The following ARHGEF10L variants were observed in gnomAD, a reference collection of about 807,000 sequenced individuals.
ARHGEF10L encodes the protein Rho guanine nucleotide exchange factor 10 like.
A neutral mutation model predicts 141.2 loss-of-function variants in ARHGEF10L; 69 were observed. The ratio of observed to expected loss-of-function variants is 0.49; its 90% CI spans 0.40 to 0.60. The LOEUF (loss-of-function observed/expected upper bound fraction) is 0.60. ARHGEF10L is among the 20% of genes least tolerant of loss of function. The probability of loss-of-function intolerance (pLI) is 0.00; values close to 1 mark genes in which losing one functional copy is unlikely to be tolerated. For missense variants in ARHGEF10L, 1,482 were observed against 1,734.3 expected, an observed-to-expected ratio of 0.85 and a Z score of 2.58; for synonymous variants, 711 against 718.5, an observed-to-expected ratio of 0.99 and a Z score of 0.17.
At chr1:17,577,083 G>A (rs190395074) in intron 1 of ARHGEF10L, among the ~76,000 whole-genome samples, 3 of 152,156 alleles carry the variant, frequency 2.0e-5, no homozygotes, top group Non-Finnish European at 2.9e-5. Context: ...TTGCTCTGTC[G>A]CCTAGGCTGG....
the ARHGEF10L span, among the ~76,000 whole-genome samples, chr1:17,533,762 A>T: frequency 1.3e-5 from 2 of 152,100 alleles, no homozygotes; most frequent in African/African-American, 2.4e-5. Flanking sequence ...TTTCATCTTG[A>T]TGAGACCGAC....
the ARHGEF10L span, among the ~76,000 whole-genome samples, chr1:17,514,874 C>T: frequency 1.3e-5 from 2 of 152,276 alleles, no homozygotes; most frequent in Non-Finnish European, 1.5e-5. Context: ...GAGGGAGCCC[C>T]AGCTGCGGCC....
intron 21 of ARHGEF10L, among the ~76,000 whole-genome samples, chr1:17,647,423 C>T (rs144377159): frequency 9.8e-5 from 15 of 152,340 alleles, no homozygotes; most frequent in African/African-American, 3.6e-4. Flanking sequence ...TCATCACGCT[C>T]ATCCCTGCTG....
chr1:17,550,133 A>G (rs1159766092), intron 1 of ARHGEF10L, among the ~76,000 whole-genome samples: 1 of 152,200 alleles, frequency 6.6e-6, no homozygotes, highest in Non-Finnish European at 1.5e-5. Flanking sequence ...GGTTTGGGTT[A>G]TATATCAGCT....
chr1:17,513,628 T>C, the ARHGEF10L span, among the ~76,000 whole-genome samples: 1 of 152,124 alleles, frequency 6.6e-6, no homozygotes, highest in Admixed American at 6.6e-5. Flanking sequence ...TAGAGCTGCA[T>C]TAAGCAATTT....
intron 26 of ARHGEF10L, among the ~76,000 whole-genome samples, chr1:17,679,099 C>T (rs1385923023): frequency 6.6e-6 from 1 of 152,218 alleles, no homozygotes; most frequent in Non-Finnish European, 1.5e-5. Flanking sequence ...TGCAGGCTCC[C>T]ATGATGGCCC....
chr1:17,571,994 G>T (rs924103055), intron 1 of ARHGEF10L, among the ~76,000 whole-genome samples: 4 of 152,216 alleles, frequency 2.6e-5, no homozygotes, highest in Non-Finnish European at 5.9e-5. Flanking sequence ...GCCAGTTTGG[G>T]GGGGCTCCTC....
Position 17,656,947 on chromosome 1 carries a change from CTG to C in ARHGEF10L, c.2860+241_2860+242del, listed in dbSNP as rs2062299354. On this transcript the variant is annotated intron_variant, in intron 25 of 28. Transcript: ENST00000361221. This position sits in a 1 kb window ranked among gnomAD's most constrained non-coding sequence, Gnocchi z 4.9. Reference sequence around the variant, plus strand: ...GGCAGTGGAACCTGTTGACAGGAGACTGTAGTGGATAAGAGAGGTACTCGCAG... The same window carrying C: ...GGCAGTGGAACCTGTTGACAGGAGACTAGTGGATAAGAGAGGTACTCGCAG... Among the ~76,000 whole-genome samples, 1 of 152,174 alleles carries C rather than the reference CTG, an allele frequency of 6.6e-6. No individual in the cohort carries two copies. The highest frequency in any genetic ancestry group is 1.5e-5 in the Non-Finnish European group (1 of 68,030).
At chr1:17,547,855 C>T (rs1032408997) in intron 1 of ARHGEF10L, among the ~76,000 whole-genome samples, 3 of 152,126 alleles carry the variant, frequency 2.0e-5, no homozygotes, top group African/African-American at 7.2e-5. Flanking sequence ...TTCAGTGATT[C>T]ATTTACTCAT....
At chr1:17,655,844 C>T (rs1354843617) in intron 23 of ARHGEF10L, 35 bp from the exon 24 acceptor site, 1 of 1,539,650 alleles carries the variant, frequency 6.5e-7, no homozygotes, top group South Asian at 1.2e-5. Flanking sequence ...TCCTGTGGTT[C>T]CCACCTGATG....
chr1:17,538,660 C>T (rs1456239147), upstream of ARHGEF10L, among the ~76,000 whole-genome samples: 2 of 151,134 alleles, frequency 1.3e-5, no homozygotes, highest in Non-Finnish European at 2.9e-5. Flanking sequence ...ACTGGTAGCC[C>T]CTGAGGCTGG....
Position 17,656,202 on chromosome 1 carries a change from A to G in ARHGEF10L, c.2705+100A>G, listed in dbSNP as rs560625649. Reference sequence around the variant, plus strand: ...TTCCGGATCTGCCTGTTGCCCACCAACATTCTCTGCCCCTGGTCTCCAGGA... The same window carrying G: ...TTCCGGATCTGCCTGTTGCCCACCAGCATTCTCTGCCCCTGGTCTCCAGGA... On this transcript the variant is annotated intron_variant, in intron 24 of 28. Coordinates refer to ENST00000361221, the MANE Select transcript of ARHGEF10L (RefSeq NM_018125.4). The surrounding 1 kb of genome is among the most constrained non-coding windows in gnomAD (Gnocchi z 4.9). 25 of 1,326,840 alleles carry G rather than the reference A, an allele frequency of 1.9e-5. No homozygotes were observed. The African/African-American group carries it at 3.3e-4, about 18-fold the overall frequency. The allele number at this position is 1,326,840 out of a possible 1,614,324, so 82.2% of individuals were successfully genotyped here.
At chr1:17,593,000 C>T (rs777109982) in intron 4 of ARHGEF10L, among the ~76,000 whole-genome samples, 6 of 152,080 alleles carry the variant, frequency 3.9e-5, no homozygotes, top group African/African-American at 7.2e-5. Flanking sequence ...TTTCCTTCTC[C>T]GAGGGTAGAA....
chr1:17,571,327 C>A (rs569338720), intron 1 of ARHGEF10L, among the ~76,000 whole-genome samples: 5 of 151,972 alleles, frequency 3.3e-5, no homozygotes, highest in Admixed American at 6.6e-5. Flanking sequence ...TAGTGGAGGC[C>A]GCAGGTGACC....
intron 4 of ARHGEF10L, among the ~76,000 whole-genome samples, chr1:17,590,890 G>A (rs1308380536): frequency 6.6e-6 from 1 of 152,202 alleles, no homozygotes; most frequent in Non-Finnish European, 1.5e-5. Flanking sequence ...GGGAGGCTGA[G>A]GCAGGAGAAT....
intron 21 of ARHGEF10L, among the ~76,000 whole-genome samples, chr1:17,640,659 T>C (rs1557903549): frequency 6.6e-6 from 1 of 152,140 alleles, no homozygotes; most frequent in Non-Finnish European, 1.5e-5. Context: ...TAAAATTAGA[T>C]GGTGGTGATT....
At chr1:17,550,970 G>A (rs2077090476) in intron 1 of ARHGEF10L, among the ~76,000 whole-genome samples, 1 of 152,102 alleles carries the variant, frequency 6.6e-6, no homozygotes, top group Admixed American at 6.5e-5. Flanking sequence ...AAGTCTGTGA[G>A]GTGCAGGTGC....
At chr1:17,545,927 A>G (rs1439019198) in intron 1 of ARHGEF10L, among the ~76,000 whole-genome samples, 1 of 152,216 alleles carries the variant, frequency 6.6e-6, no homozygotes, top group African/African-American at 2.4e-5. Flanking sequence ...TTCTCCACCC[A>G]GAAGGAATGG....
chr1:17,567,131 G>A (rs1405930322), intron 1 of ARHGEF10L, among the ~76,000 whole-genome samples: 1 of 152,232 alleles, frequency 6.6e-6, no homozygotes, highest in Non-Finnish European at 1.5e-5. Context: ...CAAAGGCTCA[G>A]TGTTGGCAGG....
Sources: gnomAD v4.1 joint callset for allele counts (sites outside exome capture counted in the v4.1 genomes callset) on GRCh38, gnomAD v4.1.1 for gene constraint, Gnocchi (gnomAD v3.1) non-coding constraint, MANE v1.5 for transcripts, NCBI Gene and HGNC (gene_info 2026-07-23, HGNC 2026-07-21) for gene names.